Variants in CACNA1H observed in about 807,000 individuals in gnomAD.
CACNA1H encodes the protein voltage-dependent T-type calcium channel subunit alpha-1H.
Under a neutral mutation model 192.5 loss-of-function variants are expected in CACNA1H, and 149 were observed. The observed-to-expected ratio is 0.77, with a 90% CI of 0.68 to 0.89. The LOEUF is 0.89. CACNA1H is among the 40% of genes least tolerant of loss of function. The pLI is 0.00. For missense variants in CACNA1H, 4,257 were observed against 3,423.5 expected (o/e 1.24, Z -6.08); for synonymous variants, 2,202 against 1,475.2 (o/e 1.49, Z -11.29).
chr16:1,207,326 A>T lies in CACNA1H; in HGVS notation c.2959A>T (p.Thr987Ser), dbSNP rs1360281980. ...NVVLYNGMAS[T>S]SSWAALYFVA... ...GGTCCTGTACAACGGCATGGCCTCC[A>T]CCTCCTCCTGGGCCGCCCTCTACTT... The change falls in exon 14 of 35, where the codon ACC becomes TCC. Residue 987 changes from threonine to serine, a missense_variant. Transcript: ENST00000348261. The T allele has an allele frequency of 6.2e-7, 1 of 1,610,526 alleles. No individual in the cohort carries two copies. The highest frequency in any genetic ancestry group is 2.2e-5 in the East Asian group (1 of 44,776).
chr16:1,155,783 G>T (rs1235069403), intron 2 of CACNA1H, among the ~76,000 whole-genome samples: 1 of 152,176 alleles, frequency 6.6e-6, no homozygotes, highest in Non-Finnish European at 1.5e-5. Flanking sequence ...TGTTTGCGTT[G>T]CTGTGTGCAG....
rs1210657600 is a variant in CACNA1H, at chr16:1,210,775, G to C, written c.4039-12G>C. On this transcript the variant is annotated splice_polypyrimidine_tract_variant and intron_variant, in intron 20 of 34. Coordinates refer to ENST00000348261, the MANE Select transcript of CACNA1H (RefSeq NM_021098.3). ...GCCTGAGCCTGAGCTCAGTGCCATTGGCCCTCCGCAGGTGGTGGCCCTGGG... is the reference window on the plus strand; with the variant it reads ...GCCTGAGCCTGAGCTCAGTGCCATTCGCCCTCCGCAGGTGGTGGCCCTGGG... 1 of 1,599,226 alleles carries C rather than the reference G, an allele frequency of 6.3e-7. No individual in the cohort carries two copies. The highest frequency in any genetic ancestry group is 8.5e-7 in the Non-Finnish European group (1 of 1,179,320).
rs1055632728 is a variant in CACNA1H at position 1,211,942 on chromosome 16, A to G, written c.4567-4A>G. The stretch of plus-strand genomic sequence containing the variant: ...GGCGGGGACCCACCGCCTCTGTGCC[A>G]CAGCCTGTGCAGAACCACAACCCCT... On this transcript the variant is annotated splice_polypyrimidine_tract_variant and splice_region_variant and intron_variant, in intron 24 of 34. Coordinates refer to ENST00000348261, the MANE Select transcript of CACNA1H (RefSeq NM_021098.3). The G allele has an allele frequency of 1.6e-5, 26 of 1,613,124 alleles. No individual in the cohort carries two copies. Among genetic ancestry groups the G allele is most frequent in the Admixed American group, 1.2e-4 (7 of 60,028 alleles).
chr16:1,155,219 C>T (rs915007849), intron 2 of CACNA1H, among the ~76,000 whole-genome samples: 1 of 152,206 alleles, frequency 6.6e-6, no homozygotes, highest in African/African-American at 2.4e-5. Context: ...GAAGAGGAGG[C>T]TGCTGTGGTC....
Position 1,209,139 on chromosome 16 carries a change from C to A in CACNA1H, c.3471C>A (p.Arg1157=). 6.4e-7 allele frequency: 1 copy of A among 1,553,262 alleles called. No individual in the cohort carries two copies. Among genetic ancestry groups the A allele is most frequent in the Non-Finnish European group, 8.7e-7 (1 of 1,149,630 alleles). ...SLGRAPSLKR[R]GQCGERESLL... is the part of the protein sequence containing the mutation. ...GCCGTGCCCCCAGCCTCAAGCGCCG[C>A]GGCCAGTGTGGGGAACGTGAGTCCC... The change falls in exon 17 of 35, where the codon CGC becomes CGA. Residue 1157 remains arginine, a synonymous_variant. Transcript: ENST00000348261.
At position 1,202,304 on chromosome 16, in the gene CACNA1H, C is replaced by G. The variant is rs1968045970; in HGVS notation, c.1854C>G (p.Pro618=). 6 of 1,585,138 alleles carry G rather than the reference C, an allele frequency of 3.8e-6. No homozygotes were observed. Among genetic ancestry groups the G allele is most frequent in the Non-Finnish European group, 4.3e-6 (5 of 1,167,916 alleles). The change falls in exon 9 of 35, where the codon CCC becomes CCG. Residue 618 remains proline, a synonymous_variant. Transcript: ENST00000348261. ...LGTMNYPTIL[P]SGVGSGKGST... is the part of the protein sequence containing the mutation. ...CCATGAACTACCCCACGATCCTGCCCTCAGGGGTGGGCAGCGGCAAAGGCA... is the reference window on the plus strand; with the variant it reads ...CCATGAACTACCCCACGATCCTGCCGTCAGGGGTGGGCAGCGGCAAAGGCA...
chr16:1,188,079 T>A (rs1262353709), intron 2 of CACNA1H, among the ~76,000 whole-genome samples: 2 of 152,138 alleles, frequency 1.3e-5, no homozygotes, highest in Admixed American at 6.5e-5. Context: ...ATGGGGAAGC[T>A]GAGGCTTAGA....
At chr16:1,174,726 C>A (rs1202505785) in intron 2 of CACNA1H, among the ~76,000 whole-genome samples, 3 of 152,216 alleles carry the variant, frequency 2.0e-5, no homozygotes, top group African/African-American at 7.2e-5. Flanking sequence ...CAGAGCCTTC[C>A]TTTTCCTGCT....
At chr16:1,178,958 G>A (rs999943552) in intron 2 of CACNA1H, among the ~76,000 whole-genome samples, 6 of 152,142 alleles carry the variant, frequency 3.9e-5, no homozygotes, top group Non-Finnish European at 5.9e-5. Flanking sequence ...GGCTGGCCCC[G>A]TGCCCCTCCC....
Position 1,195,066 on chromosome 16 carries a change from C to G in CACNA1H, c.394C>G (p.Arg132Gly). The G allele has an allele frequency of 1.2e-6, 2 of 1,603,038 alleles. No homozygotes were observed. The highest frequency in any genetic ancestry group is 2.2e-5 in the East Asian group (1 of 44,450). Residue 132 changes from arginine to glycine, a missense_variant, in exon 3 of 35, where the codon CGC (arginine) becomes GGC (glycine). By Grantham distance (125) the Arg-to-Gly change is moderately radical. Coordinates refer to ENST00000348261, the MANE Select transcript of CACNA1H (RefSeq NM_021098.3). ...PCEDVECGSE[R>G]CNILEAFDAF... ...TGAGGACGTTGAGTGCGGCTCCGAG[C>G]GCTGCAACATCCTGGAGGTGAGGGG...
At chr16:1,175,953 C>T (rs891659570) in intron 2 of CACNA1H, among the ~76,000 whole-genome samples, 11 of 152,122 alleles carry the variant, frequency 7.2e-5, no homozygotes, top group Non-Finnish European at 1.5e-4. Flanking sequence ...CCAGTTCCTC[C>T]GTCTGGACCT....
chr16:1,167,745 C>T lies in CACNA1H; in HGVS notation c.299+13709C>T, dbSNP rs558742427. 1.3e-5 allele frequency among the ~76,000 whole-genome samples: 2 copies of T among 152,322 alleles called. No individual in the cohort carries two copies. The highest frequency in any genetic ancestry group is 2.4e-5 in the African/African-American group (1 of 41,572). On this transcript the variant is annotated intron_variant, in intron 2 of 34. Transcript: ENST00000348261. The surrounding 1 kb of genome is among the most constrained non-coding windows in gnomAD (Gnocchi z 4.2). Reference sequence around the variant, plus strand: ...CCTTTGCTTCCTGAAAGGAGCCCACCCCTCCTTCAGGGACACACCCAGACA... The same window carrying T: ...CCTTTGCTTCCTGAAAGGAGCCCACTCCTCCTTCAGGGACACACCCAGACA...
chr16:1,167,459 T>TA lies in CACNA1H; in HGVS notation c.299+13434dup, dbSNP rs1179369925. Among the ~76,000 whole-genome samples, 583 of 148,502 alleles carry TA rather than the reference T, an allele frequency of 3.9e-3. 3 individuals carry two copies. Among genetic ancestry groups the TA allele is most frequent in the African/African-American group, 9.6e-3 (389 of 40,704 alleles). On this transcript the variant is annotated intron_variant, in intron 2 of 34. Coordinates refer to ENST00000348261, the MANE Select transcript of CACNA1H (RefSeq NM_021098.3). The surrounding 1 kb of genome is among the most constrained non-coding windows in gnomAD (Gnocchi z 4.2). ...AGAATTTCAACACCCACACTTGGAATAAAAAAAAAAATTATTAATGAGCTT... is the reference window on the plus strand; with the variant it reads ...AGAATTTCAACACCCACACTTGGAATAAAAAAAAAAAATTATTAATGAGCTT...
At chr16:1,215,669 C>T (rs1249831719) in intron 30 of CACNA1H, 76 bp downstream of exon 30, 1 of 1,140,744 alleles carries the variant, frequency 8.8e-7, no homozygotes. Context: ...CCGTCCCCCT[C>T]TCCCCCTCAC....
chr16:1,207,510 G>A, intron 14 of CACNA1H, 80 bp downstream of exon 14: 5 of 1,452,820 alleles, frequency 3.4e-6, no homozygotes, highest in South Asian at 1.2e-5. Flanking sequence ...GAGGGGTGTG[G>A]GGGGCCTGCC....
At position 1,211,818 on chromosome 16, in the gene CACNA1H, G is replaced by T; in HGVS notation, c.4566+13G>T. On this transcript the variant is annotated intron_variant, in intron 24 of 34. Transcript: ENST00000348261. Reference sequence around the variant, plus strand: ...TGTCGACCAGCAGGTGCGCACAGGCGGGTCGAGCTGGGTCACCTCAGGGTC... The same window carrying T: ...TGTCGACCAGCAGGTGCGCACAGGCTGGTCGAGCTGGGTCACCTCAGGGTC... 6.2e-7 allele frequency: 1 copy of T among 1,611,574 alleles called. No homozygotes were observed.
chr16:1,186,962 A>G (rs1966131549), intron 2 of CACNA1H, among the ~76,000 whole-genome samples: 1 of 152,006 alleles, frequency 6.6e-6, no homozygotes, highest in Non-Finnish European at 1.5e-5. Flanking sequence ...CTCCTGTACC[A>G]CCCACTGACT....
At position 1,221,319 on chromosome 16, in the gene CACNA1H, G is replaced by T. The variant is rs975615765; in HGVS notation, c.*325G>T. The T allele has an allele frequency of 7.6e-6, 3 of 392,456 alleles. No homozygotes were observed. In the Admixed American group the frequency reaches 1.3e-4, roughly 16 times the overall value. The allele number at this position is 392,456 out of a possible 1,614,324, so 24.3% of individuals were successfully genotyped here. ...CCGGGCACCCGCCAGAGAGGGGAAG[G>T]TACCAGGTTGCGTCCTTTCAGGCCC... On this transcript the variant is annotated 3_prime_UTR_variant, in exon 35 of 35. Coordinates refer to ENST00000348261, the MANE Select transcript of CACNA1H (RefSeq NM_021098.3).
chr16:1,181,646 C>T (rs990332966), intron 2 of CACNA1H, among the ~76,000 whole-genome samples: 4 of 152,234 alleles, frequency 2.6e-5, no homozygotes, highest in Admixed American at 6.5e-5. Flanking sequence ...AGGTCTCTTT[C>T]TAATTAGCAT....
Sources: gnomAD v4.1 joint callset for allele counts (sites outside exome capture counted in the v4.1 genomes callset) on GRCh38, gnomAD v4.1.1 for gene constraint, Gnocchi (gnomAD v3.1) non-coding constraint, MANE v1.5 for transcripts, NCBI Gene and HGNC (gene_info 2026-07-23, HGNC 2026-07-21) for gene names.